EFCAB6: variants seen among roughly 807,000 people sequenced by gnomAD.
The protein encoded by EFCAB6 is EF-hand calcium-binding domain-containing protein 6.
EFCAB6 carries 156 observed loss-of-function variants against 169.8 expected under a neutral mutation model. The ratio of observed to expected loss-of-function variants is 0.92; its 90% CI spans 0.81 to 1.05. EFCAB6 has a LOEUF of 1.05. EFCAB6 is among the 50% of genes least tolerant of loss of function. The pLI, the probability that EFCAB6 is intolerant of heterozygous loss-of-function variation, is 0.00. For synonymous variants in EFCAB6, 698 were observed against 676.4 expected (o/e 1.03, Z -0.50); for missense variants, 1,800 against 1,829.1 (o/e 0.98, Z 0.29).
chr22:43,732,109 C>T (rs964111208), intron 7 of EFCAB6, among the ~76,000 whole-genome samples: 10 of 152,146 alleles, frequency 6.6e-5, no homozygotes, highest in African/African-American at 9.7e-5. Flanking sequence ...GAGTTTCTCC[C>T]GGCTCTGGCA....
chr22:43,618,170 GAAAGAAAGAAAGAAA>G (rs1569256946), intron 20 of EFCAB6, among the ~76,000 whole-genome samples: 214 of 91,732 alleles, frequency 2.3e-3, no homozygotes, highest in East Asian at 3.7e-3. Context: ...AGGAAGGAAA[GAAAGAAAGAAAGAAA>G]GAAAGAAAGA....
chr22:43,735,838 C>T lies in EFCAB6; in HGVS notation c.644+19G>A, dbSNP rs781532841. ...AAAGTTCTACTGAGCAATCTCTCAC[C>T]GTGCCTTCATTTGCTTACTTTTCGT... On this transcript the variant is annotated intron_variant, in intron 7 of 31. Coordinates refer to ENST00000262726, the MANE Select transcript of EFCAB6 (RefSeq NM_022785.4). 9.3e-6 allele frequency: 15 copies of T among 1,611,324 alleles called. No homozygotes were observed. Among genetic ancestry groups the T allele is most frequent in the Middle Eastern group, 1.7e-4 (1 of 6,038 alleles).
intron 25 of EFCAB6, among the ~76,000 whole-genome samples, chr22:43,579,096 T>C (rs1936791776): frequency 6.7e-6 from 1 of 149,220 alleles, no homozygotes. Context: ...GCAGGCATCA[T>C]TGTCTACATG....
Position 43,528,820 on chromosome 22 carries a change from G to A in EFCAB6, c.*33C>T. ...TATTAGCCTTGAAACAGGCCCTGTG[G>A]CTGTCGTCCCGCTGGGCACACAGCA... On this transcript the variant is annotated 3_prime_UTR_variant, in exon 32 of 32. Transcript: ENST00000262726. 3.8e-6 allele frequency: 6 copies of A among 1,568,812 alleles called. No individual in the cohort carries two copies. The highest frequency in any genetic ancestry group is 5.2e-6 in the Non-Finnish European group (6 of 1,145,518).
At position 43,711,601 on chromosome 22, in the gene EFCAB6, A is replaced by G. The variant is rs1182382217; in HGVS notation, c.905T>C (p.Val302Ala). 1 of 1,585,282 alleles carries G rather than the reference A, an allele frequency of 6.3e-7. No individual in the cohort carries two copies. ...CLQLSKSYEK[V>A]EKALSAGDPC... ...GTCCCCTGCACTGAGGGCCTTTTCA[A>G]CCTTTTCATAAGACTTCGAAAGCTG... The change falls in exon 10 of 32, where the codon GTT becomes GCT. Residue 302 changes from valine to alanine, a missense_variant. Transcript: ENST00000262726.
intron 18 of EFCAB6, among the ~76,000 whole-genome samples, chr22:43,633,852 T>C (rs370080062): frequency 6.6e-6 from 1 of 152,214 alleles, no homozygotes; most frequent in Non-Finnish European, 1.5e-5. Flanking sequence ...GGTTCCTTAC[T>C]GCCTGGCAGA....
intron 15 of EFCAB6, among the ~76,000 whole-genome samples, chr22:43,669,278 G>A (rs1048309500): frequency 1.3e-5 from 2 of 152,146 alleles, no homozygotes; most frequent in African/African-American, 4.8e-5. Context: ...TACATATACA[G>A]CTTTATTGGT....
intron 17 of EFCAB6, among the ~76,000 whole-genome samples, chr22:43,643,199 C>T (rs1489694858): frequency 1.3e-5 from 2 of 152,194 alleles, no homozygotes; most frequent in Non-Finnish European, 2.9e-5. Flanking sequence ...TGCAACAATG[C>T]CTCAACAGAA....
intron 3 of EFCAB6, among the ~76,000 whole-genome samples, chr22:43,776,293 C>T (rs568005248): frequency 3.9e-5 from 6 of 152,130 alleles, no homozygotes; most frequent in Non-Finnish European, 7.4e-5. Context: ...TTGATTCATT[C>T]GAAAAATGTC....
rs376441063 is a variant in EFCAB6, at chr22:43,795,145, C to T, written c.-7-12820G>A. 3.3e-5 allele frequency among the ~76,000 whole-genome samples: 5 copies of T among 152,098 alleles called. No homozygotes were observed. Among genetic ancestry groups the T allele is most frequent in the South Asian group, 4.2e-4 (2 of 4,818 alleles). ...AAATCAAATGAAAAACAACAAACTG[C>T]GGAAAGTGAATATATTTTAATGGAG... On this transcript the variant is annotated intron_variant, in intron 2 of 31. Coordinates refer to ENST00000262726, the MANE Select transcript of EFCAB6 (RefSeq NM_022785.4). This position sits in a 1 kb window ranked among gnomAD's most constrained non-coding sequence, Gnocchi z 4.2.
At chr22:43,736,135 T>C in intron 6 of EFCAB6, 142 bp from the exon 7 acceptor site, 1 of 784,846 alleles carries the variant, frequency 1.3e-6, no homozygotes, top group Non-Finnish European at 1.9e-6. Flanking sequence ...ATGGCAAAAA[T>C]GACATGTCTA....
intron 17 of EFCAB6, among the ~76,000 whole-genome samples, chr22:43,647,012 C>T (rs1391899759): frequency 6.6e-6 from 1 of 152,158 alleles, no homozygotes; most frequent in Non-Finnish European, 1.5e-5. Context: ...TAGACTGTAA[C>T]AAATGTAGCA....
chr22:43,614,384 G>A (rs2082279569), intron 21 of EFCAB6, among the ~76,000 whole-genome samples: 1 of 152,068 alleles, frequency 6.6e-6, no homozygotes, highest in African/African-American at 2.4e-5. Context: ...AGCAAAGACA[G>A]TCTTTTCAAT....
chr22:43,701,854 A>T (rs1311709293), intron 10 of EFCAB6, among the ~76,000 whole-genome samples: 1 of 152,186 alleles, frequency 6.6e-6, no homozygotes, highest in African/African-American at 2.4e-5. Flanking sequence ...TTAAAATGTA[A>T]ACTTCAAAAC....
intron 27 of EFCAB6, chr22:43,554,508 A>G (rs1457896999): frequency 4.6e-6 from 1 of 217,780 alleles, no homozygotes; most frequent in Non-Finnish European, 9.1e-6. Flanking sequence ...GTCTTGGTAC[A>G]TTCTTTTTAC....
At chr22:43,546,974 C>G (rs532063922) in intron 27 of EFCAB6, among the ~76,000 whole-genome samples, 86 of 151,858 alleles carry the variant, frequency 5.7e-4, no homozygotes, top group African/African-American at 2.1e-3. Context: ...AAAAACTGGG[C>G]GAACTTAAGA....
Position 43,537,456 on chromosome 22 carries a change from G to C in EFCAB6, c.3969C>G (p.Gly1323=). 6.2e-7 allele frequency: 1 copy of C among 1,614,162 alleles called. No homozygotes were observed. Among genetic ancestry groups the C allele is most frequent in the African/African-American group, 1.3e-5 (1 of 75,034 alleles). Residue 1323 remains glycine, a synonymous_variant, in exon 29 of 32, where the codon GGC becomes GGG. Coordinates refer to ENST00000262726, the MANE Select transcript of EFCAB6 (RefSeq NM_022785.4). This position sits in a 1 kb window ranked among gnomAD's most constrained non-coding sequence, Gnocchi z 4.3. ...ATTCTTTCAGGAGCTGGCGCCAGCA[G>C]CCCTGGATTCTCTTCCGGAGCCTGC... The part of the protein sequence containing the change: ...IESRLRKRIQ[G]CWRQLLKECK...
Position 43,812,302 on chromosome 22 carries a change from G to C in EFCAB6, c.-279C>G, listed in dbSNP as rs1201306471. On this transcript the variant is annotated 5_prime_UTR_variant, in exon 1 of 32. Transcript: ENST00000262726. ...TGCCCGAGAGACGACGGCAGTCGCTGACTGGAGAATGAGCCTACGCGCCTG... is the reference window on the plus strand; with the variant it reads ...TGCCCGAGAGACGACGGCAGTCGCTCACTGGAGAATGAGCCTACGCGCCTG... 6.6e-6 allele frequency: 1 copy of C among 152,346 alleles called. No homozygotes were observed. The highest frequency in any genetic ancestry group is 1.5e-5 in the Non-Finnish European group (1 of 68,118). 9.4% of individuals were successfully genotyped at this position (152,346 alleles called of 1,614,324 possible). A position where few individuals can be genotyped will look rare whatever the true frequency, so the allele number is the denominator to read the frequency against.
At chr22:43,746,377 T>C (rs1398284473) in intron 6 of EFCAB6, among the ~76,000 whole-genome samples, 1 of 152,170 alleles carries the variant, frequency 6.6e-6, no homozygotes, top group Non-Finnish European at 1.5e-5. Flanking sequence ...CTAAAAGTCA[T>C]AGTTGACACA....
Sources: gnomAD v4.1 joint callset for allele counts (sites outside exome capture counted in the v4.1 genomes callset) on GRCh38, gnomAD v4.1.1 for gene constraint, Gnocchi (gnomAD v3.1) non-coding constraint, MANE v1.5 for transcripts, NCBI Gene and HGNC (gene_info 2026-07-23, HGNC 2026-07-21) for gene names.